Variants in HDAC9 observed in about 807,000 individuals in gnomAD.
HDAC9 encodes histone deacetylase 9, also known as MEF-2 interacting transcription repressor (MITR) protein.
Under a neutral mutation model 139.4 loss-of-function variants are expected in HDAC9, and 41 were observed. That is an observed-to-expected ratio of 0.29 (90% CI 0.23 to 0.38). The LOEUF (loss-of-function observed/expected upper bound fraction) is 0.38. HDAC9 is among the 10% of genes least tolerant of loss of function. The pLI is 1.00. For synonymous variants in HDAC9, 517 were observed against 476.2 expected (o/e 1.09, Z -1.12); for missense variants, 1,147 against 1,297.0 (o/e 0.88, Z 1.78).
chr7:18,790,324 T>C (rs1345517242), intron 16 of HDAC9, among the ~76,000 whole-genome samples: 1 of 152,172 alleles, frequency 6.6e-6, no homozygotes, highest in Non-Finnish European at 1.5e-5. Context: ...GTAATTAAGA[T>C]TAAATTAGGT....
chr7:18,281,018 G>T (rs1351999085), intron 2 of HDAC9, among the ~76,000 whole-genome samples: 1 of 152,112 alleles, frequency 6.6e-6, no homozygotes, highest in African/African-American at 2.4e-5. Context: ...TCCATTCCAG[G>T]CCTCTGTTTT....
intron 23 of HDAC9, among the ~76,000 whole-genome samples, chr7:18,946,791 A>C (rs967503087): frequency 3.3e-5 from 5 of 152,114 alleles, no homozygotes; most frequent in Admixed American, 2.0e-4. Context: ...TGGAAGATTT[A>C]AACACTTGAT....
chr7:18,144,803 C>T (rs986267242), intron 1 of HDAC9, among the ~76,000 whole-genome samples: 1 of 151,496 alleles, frequency 6.6e-6, no homozygotes, highest in African/African-American at 2.4e-5. Flanking sequence ...CTGGATCATC[C>T]TCTTTTTTTG....
At chr7:18,726,182 G>A (rs1014537624) in intron 12 of HDAC9, among the ~76,000 whole-genome samples, 4 of 152,156 alleles carry the variant, frequency 2.6e-5, no homozygotes, top group Non-Finnish European at 4.4e-5. Context: ...CTACAATTAC[G>A]TAAAACCACA....
intron 2 of HDAC9, among the ~76,000 whole-genome samples, chr7:18,240,367 T>C (rs59672464): frequency 0.034 from 5,237 of 152,246 alleles, 316 homozygotes; most frequent in African/African-American, 0.12. Context: ...CATTTTCCCC[T>C]ATGGAAAAAG....
chr7:18,983,940 T>G (rs906933969), intron 25 of HDAC9, among the ~76,000 whole-genome samples: 11 of 152,072 alleles, frequency 7.2e-5, no homozygotes, highest in African/African-American at 2.7e-4. Flanking sequence ...TTATTGGCCT[T>G]CCCATTCTTT....
At chr7:18,175,152 C>G (rs531824849) in intron 2 of HDAC9, among the ~76,000 whole-genome samples, 1 of 152,210 alleles carries the variant, frequency 6.6e-6, no homozygotes, top group African/African-American at 2.4e-5. Context: ...TCTACTCAAG[C>G]GTCAGCAGTG....
chr7:18,208,172 T>C (rs115456250), intron 2 of HDAC9, among the ~76,000 whole-genome samples: 1,852 of 152,248 alleles, frequency 0.012, 38 homozygotes, highest in African/African-American at 0.042. Context: ...CAGACCAACC[T>C]GTTCAGTTCT....
chr7:18,189,100 C>T (rs1011591378), intron 2 of HDAC9, among the ~76,000 whole-genome samples: 1 of 152,056 alleles, frequency 6.6e-6, no homozygotes, highest in Non-Finnish European at 1.5e-5. Context: ...ACCCAAATGC[C>T]CATCAATGAT....
intron 1 of HDAC9, among the ~76,000 whole-genome samples, chr7:18,128,260 G>C (rs1024695464): frequency 6.6e-6 from 1 of 151,996 alleles, no homozygotes; most frequent in Non-Finnish European, 1.5e-5. Flanking sequence ...TTACCTTAAG[G>C]ACTTTAACTG....
At position 18,508,274 on chromosome 7, in the gene HDAC9, G is replaced by C. The variant is rs547421430; in HGVS notation, c.22+11950G>C. ...TGAAGGCTTTTGAGTCTGCTAACCT[G>C]TAAAGGGTATCTTTCTAAAAAAAGT... On this transcript the variant is annotated intron_variant, in intron 2 of 25. Coordinates refer to ENST00000686413, the MANE Select transcript of HDAC9 (RefSeq NM_178425.4). Among the ~76,000 whole-genome samples, 296 of 152,314 alleles carry C rather than the reference G, an allele frequency of 1.9e-3. 1 individual carries two copies. The highest frequency in any genetic ancestry group is 3.1e-3 in the Non-Finnish European group (214 of 68,016).
intron 2 of HDAC9, among the ~76,000 whole-genome samples, chr7:18,169,604 T>TC (rs1788264397): frequency 6.6e-6 from 1 of 152,034 alleles, no homozygotes; most frequent in South Asian, 2.1e-4. Context: ...ATGCTATCCC[T>TC]CCCCCTGTCC....
chr7:18,480,301 G>A (rs558886542), intron 1 of HDAC9, among the ~76,000 whole-genome samples: 1 of 152,162 alleles, frequency 6.6e-6, no homozygotes, highest in African/African-American at 2.4e-5. Context: ...TTAGAGTGCT[G>A]TGTGGTCAAG....
chr7:18,305,078 G>T (rs1181072345), intron 1 of HDAC9, among the ~76,000 whole-genome samples: 1 of 152,172 alleles, frequency 6.6e-6, no homozygotes, highest in Non-Finnish European at 1.5e-5. Flanking sequence ...AGGGCAGGAA[G>T]ACCTTCTCTG....
chr7:18,095,719 A>G (rs1184114096), intron 1 of HDAC9, among the ~76,000 whole-genome samples: 1 of 152,228 alleles, frequency 6.6e-6, no homozygotes, highest in Non-Finnish European at 1.5e-5. Flanking sequence ...TTCATAAATT[A>G]TAAAACCAAA....
intron 1 of HDAC9, among the ~76,000 whole-genome samples, chr7:18,425,097 A>AT (rs571471241): frequency 6.6e-6 from 1 of 152,060 alleles, no homozygotes; most frequent in Admixed American, 6.6e-5. Flanking sequence ...TAGTACACCA[A>AT]TTTTTTTCTT....
chr7:18,225,961 A>G (rs930658323), intron 2 of HDAC9, among the ~76,000 whole-genome samples: 1 of 152,180 alleles, frequency 6.6e-6, no homozygotes, highest in African/African-American at 2.4e-5. Context: ...TGAGGGTACC[A>G]GAAACTCTTA....
intron 11 of HDAC9, among the ~76,000 whole-genome samples, chr7:18,655,652 A>G (rs932437481): frequency 3.9e-5 from 6 of 152,192 alleles, no homozygotes; most frequent in Non-Finnish European, 7.4e-5. Context: ...CAAAATGACC[A>G]TTTCAGTGGA....
chr7:18,964,485 A>G (rs762569979), intron 24 of HDAC9, among the ~76,000 whole-genome samples: 4 of 152,178 alleles, frequency 2.6e-5, no homozygotes, highest in Non-Finnish European at 4.4e-5. Context: ...GAAAGTATCC[A>G]CATTCCTGTA....
Sources: gnomAD v4.1 joint callset for allele counts (sites outside exome capture counted in the v4.1 genomes callset) on GRCh38, gnomAD v4.1.1 for gene constraint, MANE v1.5 for transcripts, NCBI Gene and HGNC (gene_info 2026-07-23, HGNC 2026-07-21) for gene names.